Variants in MYO9A observed in about 807,000 individuals in gnomAD.
MYO9A encodes the protein unconventional myosin-IXa.
Under a neutral mutation model 293.3 loss-of-function variants are expected in MYO9A, and 103 were observed. That is an observed-to-expected ratio of 0.35 (90% CI 0.30 to 0.41). The LOEUF (loss-of-function observed/expected upper bound fraction) is 0.41. Ranked by LOEUF, MYO9A falls within the 10% of genes least tolerant of loss-of-function variation. The pLI is 1.00. For missense variants in MYO9A, 2,685 were observed against 3,033.0 expected (o/e 0.89, Z 2.69); for synonymous variants, 1,001 against 1,035.7 (o/e 0.97, Z 0.64).
chr15:72,024,473 T>C (rs2077602921), intron 4 of MYO9A, among the ~76,000 whole-genome samples: 1 of 152,138 alleles, frequency 6.6e-6, no homozygotes, highest in African/African-American at 2.4e-5. Flanking sequence ...GGTTTTGCCA[T>C]GTTGTCTAGG....
intron 39 of MYO9A, among the ~76,000 whole-genome samples, chr15:71,833,692 C>T (rs1472795467): frequency 2.6e-5 from 4 of 151,858 alleles, no homozygotes; most frequent in Non-Finnish European, 5.9e-5. Flanking sequence ...TTTATCTGAC[C>T]GTTAAAGTAA....
Position 72,027,785 on chromosome 15 carries a change from A to G in MYO9A, c.944T>C (p.Val315Ala). 1 of 1,605,604 alleles carries G rather than the reference A, an allele frequency of 6.2e-7. No homozygotes were observed. The highest frequency in any genetic ancestry group is 1.3e-5 in the African/African-American group (1 of 74,562). Reference protein sequence around the residue: ...QETGTVLGAYVEKYLLEKSRL... With the variant: ...QETGTVLGAYAEKYLLEKSRL... ...GGACTTCTCCAGTAGATATTTTTCA[A>G]CATAGGCACTACAAGAAAAATTAAA... The change falls in exon 4 of 42, where the codon GTT (valine) becomes GCT (alanine). Residue 315 changes from valine to alanine, a missense_variant. Val to Ala is a moderately conservative substitution (Grantham distance 64). This residue lies in a region of MYO9A where 289 missense variants were observed against 456.8 expected (regional missense o/e 0.63). Transcript: ENST00000356056.
At chr15:72,093,267 C>G (rs545114705) in intron 1 of MYO9A, among the ~76,000 whole-genome samples, 1 of 152,160 alleles carries the variant, frequency 6.6e-6, no homozygotes, top group African/African-American at 2.4e-5. Flanking sequence ...GTGGCTCATG[C>G]CTGTAATTTC....
At chr15:72,043,933 CT>C (rs3028362) in intron 2 of MYO9A, among the ~76,000 whole-genome samples, 106,955 of 140,454 alleles carry the variant, frequency 0.76, 40,798 homozygotes, top group Middle Eastern at 0.79. Context: ...ATTCCCTTTC[CT>C]TTTTTTTTTT....
intron 12 of MYO9A, among the ~76,000 whole-genome samples, chr15:71,972,916 C>G (rs2076051008): frequency 6.6e-6 from 1 of 151,960 alleles, no homozygotes; most frequent in African/African-American, 2.4e-5. Flanking sequence ...GGTTCACTGG[C>G]TGCATAAGGA....
At chr15:72,030,618 G>A (rs1842666) in intron 3 of MYO9A, among the ~76,000 whole-genome samples, 1,912 of 151,958 alleles carry the variant, frequency 0.013, 58 homozygotes, top group Admixed American at 0.058. Context: ...CCGCCTCCTG[G>A]GTTCAAGTGA....
At chr15:71,959,457 G>GT (rs2059275312) in intron 14 of MYO9A, 1 of 168,722 alleles carries the variant, frequency 5.9e-6, no homozygotes, top group Admixed American at 5.6e-5. Context: ...CCCTATCTAA[G>GT]ACTAGAGCTA....
chr15:72,103,541 G>T (rs996908338), intron 1 of MYO9A, among the ~76,000 whole-genome samples: 1 of 151,284 alleles, frequency 6.6e-6, no homozygotes, highest in Non-Finnish European at 1.5e-5. Context: ...AGCAGAAGCA[G>T]CAGAAGCAGT....
intron 1 of MYO9A, among the ~76,000 whole-genome samples, chr15:72,086,966 A>G (rs1026784283): frequency 1.3e-5 from 2 of 151,988 alleles, no homozygotes; most frequent in Non-Finnish European, 2.9e-5. Context: ...GGATTTCTTC[A>G]TGTTGGTCAG....
chr15:71,911,283 A>C (rs2057843052), intron 19 of MYO9A, among the ~76,000 whole-genome samples: 1 of 152,180 alleles, frequency 6.6e-6, no homozygotes, highest in Non-Finnish European at 1.5e-5. Flanking sequence ...AAATTCTTAG[A>C]GCTATAATTA....
At chr15:72,021,763 A>G (rs1283924627) in intron 4 of MYO9A, among the ~76,000 whole-genome samples, 5 of 152,218 alleles carry the variant, frequency 3.3e-5, no homozygotes, top group African/African-American at 1.2e-4. Context: ...GAAAACCTCC[A>G]GTAAATGTCC....
At chr15:71,844,005 TTTAAC>T (rs1219988128) in intron 39 of MYO9A, among the ~76,000 whole-genome samples, 1 of 152,228 alleles carries the variant, frequency 6.6e-6, no homozygotes, top group Non-Finnish European at 1.5e-5. Flanking sequence ...CTATTTTGGT[TTTAAC>T]TTAAGGTTTC....
At chr15:72,044,410 A>AG (rs1226830638) in intron 2 of MYO9A, among the ~76,000 whole-genome samples, 2 of 152,140 alleles carry the variant, frequency 1.3e-5, no homozygotes. Context: ...TCTCAAAAAA[A>AG]AAAAAAAAGA....
At chr15:71,991,894 C>A (rs910387409) in intron 10 of MYO9A, among the ~76,000 whole-genome samples, 6 of 152,134 alleles carry the variant, frequency 3.9e-5, no homozygotes, top group Non-Finnish European at 7.4e-5. Context: ...GCTGGGTTTA[C>A]CATGGCATGC....
intron 22 of MYO9A, among the ~76,000 whole-genome samples, chr15:71,902,051 G>A (rs1200756490): frequency 2.6e-5 from 4 of 151,964 alleles, no homozygotes; most frequent in Non-Finnish European, 5.9e-5. Context: ...TTAGAAACAG[G>A]AATTATACCT....
intron 1 of MYO9A, among the ~76,000 whole-genome samples, chr15:72,098,362 T>C (rs1212845361): frequency 1.3e-5 from 2 of 151,856 alleles, no homozygotes; most frequent in Non-Finnish European, 2.9e-5. Flanking sequence ...CCACCAAAAC[T>C]GTAAAGGATA....
chr15:71,859,517 G>A (rs1217212417), intron 34 of MYO9A, among the ~76,000 whole-genome samples: 3 of 151,962 alleles, frequency 2.0e-5, no homozygotes, highest in Non-Finnish European at 4.4e-5. Context: ...ATATAGTAAC[G>A]GTAAAATAAT....
At chr15:71,900,917 T>C (rs576745552) in intron 23 of MYO9A, among the ~76,000 whole-genome samples, 9 of 152,178 alleles carry the variant, frequency 5.9e-5, no homozygotes, top group Non-Finnish European at 8.8e-5. Flanking sequence ...CAACAAATAT[T>C]AGGTAACTCC....
chr15:71,850,209 A>G (rs1161300136), intron 37 of MYO9A, 42 bp from the exon 38 acceptor site: 3 of 1,608,604 alleles, frequency 1.9e-6, no homozygotes, highest in South Asian at 2.2e-5. Flanking sequence ...AGTAAGGGAT[A>G]AAAAGGGAGC....
Sources: gnomAD v4.1 joint callset for allele counts (sites outside exome capture counted in the v4.1 genomes callset) on GRCh38, gnomAD v4.1.1 for gene constraint, gnomAD v4.1.1 regional missense constraint, MANE v1.5 for transcripts, NCBI Gene and HGNC (gene_info 2026-07-23, HGNC 2026-07-21) for gene names.